Variants in SPAG16 observed in about 807,000 individuals in gnomAD.
The protein encoded by SPAG16 is sperm associated antigen 16.
A neutral mutation model predicts 80.4 loss-of-function variants in SPAG16; 86 were observed. That is an observed-to-expected ratio of 1.07 (90% confidence interval 0.90 to 1.28). The LOEUF is 1.28. Among genes scored for constraint, SPAG16 ranks in the 50% most tolerant of loss-of-function variants. The probability of loss-of-function intolerance (pLI) is 0.00; values close to 1 mark genes in which losing one functional copy is unlikely to be tolerated. For synonymous variants in SPAG16, 294 were observed against 265.9 expected (o/e 1.11, Z -1.03); for missense variants, 870 against 765.3 (o/e 1.14, Z -1.61).
chr2:213,630,456 A>G lies in SPAG16; in HGVS notation c.1070+140366A>G, dbSNP rs145583283. ...GAGGGCATAAGTTTCATCATCAATT[A>G]TATCATGTCTATAATAAAAATGGTA... On this transcript the variant is annotated intron_variant, in intron 10 of 15. Coordinates refer to ENST00000331683, the MANE Select transcript of SPAG16 (RefSeq NM_024532.5). 3.6e-3 allele frequency among the ~76,000 whole-genome samples: 544 copies of G among 152,266 alleles called. 5 individuals are homozygous for G. Among genetic ancestry groups the G allele is most frequent in the African/African-American group, 0.012 (499 of 41,556 alleles).
At chr2:214,067,203 C>T (rs2050571468) in intron 13 of SPAG16, among the ~76,000 whole-genome samples, 1 of 152,176 alleles carries the variant, frequency 6.6e-6, no homozygotes, top group African/African-American at 2.4e-5. Context: ...AAATCCATCA[C>T]TTTCATTGTT....
chr2:213,836,186 C>CA (rs1390031341), intron 10 of SPAG16, among the ~76,000 whole-genome samples: 1 of 145,194 alleles, frequency 6.9e-6, no homozygotes, highest in Non-Finnish European at 1.5e-5. Flanking sequence ...GCCCCCCCCC[C>CA]CATTTCCTAT....
At chr2:214,200,852 C>T (rs1395935520) in intron 15 of SPAG16, among the ~76,000 whole-genome samples, 1 of 152,134 alleles carries the variant, frequency 6.6e-6, no homozygotes, top group Non-Finnish European at 1.5e-5. Flanking sequence ...TCTCCTTTTT[C>T]CCCAGCCCAT....
Position 213,286,756 on chromosome 2 carries a change from A to C in SPAG16, c.136+2137A>C, listed in dbSNP as rs142952522. 4.8e-3 allele frequency among the ~76,000 whole-genome samples: 732 copies of C among 152,368 alleles called. 9 individuals are homozygous for C. The highest frequency in any genetic ancestry group is 0.017 in the African/African-American group (688 of 41,596). ...TAGTACATTAGACAATGAGCTATCA[A>C]TATCGAGCAAGACTTTGAAAGAAGT... On this transcript the variant is annotated intron_variant, in intron 1 of 15. Transcript: ENST00000331683.
At chr2:213,958,223 G>A (rs910939125) in intron 12 of SPAG16, among the ~76,000 whole-genome samples, 5 of 152,168 alleles carry the variant, frequency 3.3e-5, no homozygotes, top group African/African-American at 1.2e-4. Context: ...AGAGCAAGCA[G>A]GCACAAGTTC....
At chr2:214,093,792 G>A (rs1054846546) in intron 13 of SPAG16, among the ~76,000 whole-genome samples, 9 of 152,050 alleles carry the variant, frequency 5.9e-5, no homozygotes, top group East Asian at 1.9e-4. Context: ...TTAACTCTGC[G>A]ATTGTAATAC....
chr2:213,735,747 A>T (rs1219436620), intron 10 of SPAG16, among the ~76,000 whole-genome samples: 1 of 152,242 alleles, frequency 6.6e-6, no homozygotes, highest in African/African-American at 2.4e-5. Context: ...TTTAGGAAAG[A>T]TAGGAGATGA....
chr2:213,784,820 G>T (rs531359241), intron 10 of SPAG16, among the ~76,000 whole-genome samples: 1 of 151,516 alleles, frequency 6.6e-6, no homozygotes, highest in Admixed American at 6.6e-5. Flanking sequence ...TGTAGCTAAT[G>T]TCCCTACTTT....
intron 13 of SPAG16, among the ~76,000 whole-genome samples, chr2:214,043,395 A>G (rs957175193): frequency 1.3e-5 from 2 of 152,258 alleles, no homozygotes; most frequent in South Asian, 2.1e-4. Context: ...ATTAGCAAGG[A>G]GGTAGAATGG....
chr2:213,612,364 TTC>T (rs2061465468), intron 10 of SPAG16, among the ~76,000 whole-genome samples: 1 of 152,226 alleles, frequency 6.6e-6, no homozygotes, highest in South Asian at 2.1e-4. Flanking sequence ...TTTTTCTTTT[TTC>T]TCTCTCAGAA....
At chr2:214,094,358 C>T (rs2052437730) in intron 13 of SPAG16, among the ~76,000 whole-genome samples, 1 of 152,068 alleles carries the variant, frequency 6.6e-6, no homozygotes, top group Non-Finnish European at 1.5e-5. Flanking sequence ...TGCAGTAGAT[C>T]ATTTTTTCCC....
intron 13 of SPAG16, among the ~76,000 whole-genome samples, chr2:214,096,131 G>C (rs2052572681): frequency 1.3e-5 from 2 of 151,836 alleles, no homozygotes; most frequent in Non-Finnish European, 2.9e-5. Flanking sequence ...CTTATCAGGG[G>C]CAAGTGAGAT....
At chr2:213,560,837 C>T (rs2059577893) in intron 10 of SPAG16, among the ~76,000 whole-genome samples, 1 of 152,192 alleles carries the variant, frequency 6.6e-6, no homozygotes, top group South Asian at 2.1e-4. Context: ...TTCAACTACA[C>T]ACAATGAATG....
chr2:214,263,473 G>T (rs1186183969), intron 15 of SPAG16, among the ~76,000 whole-genome samples: 1 of 152,130 alleles, frequency 6.6e-6, no homozygotes, highest in Non-Finnish European at 1.5e-5. Flanking sequence ...TGCGATTTCA[G>T]AGTACTTTTG....
At chr2:213,341,136 T>C (rs1021101134) in intron 6 of SPAG16, among the ~76,000 whole-genome samples, 4 of 152,186 alleles carry the variant, frequency 2.6e-5, no homozygotes, top group Admixed American at 2.6e-4. Context: ...CTACACTTGG[T>C]GTATACTCAG....
intron 15 of SPAG16, among the ~76,000 whole-genome samples, chr2:214,256,935 C>T (rs1488786642): frequency 1.3e-5 from 2 of 151,878 alleles, no homozygotes; most frequent in Non-Finnish European, 2.9e-5. Flanking sequence ...TAAATTTTAA[C>T]ATCTTGTCAA....
chr2:213,289,041 C>T (rs1250008515), intron 1 of SPAG16, among the ~76,000 whole-genome samples: 1 of 152,146 alleles, frequency 6.6e-6, no homozygotes, highest in Admixed American at 6.5e-5. Context: ...TGCTCTGTGT[C>T]CTTTAGTCAG....
intron 15 of SPAG16, among the ~76,000 whole-genome samples, chr2:214,355,700 G>T (rs1698739081): frequency 6.6e-6 from 1 of 151,760 alleles, no homozygotes; most frequent in African/African-American, 2.4e-5. Flanking sequence ...TATAAATCAT[G>T]CTGCTATAAA....
intron 13 of SPAG16, among the ~76,000 whole-genome samples, chr2:214,082,828 C>G (rs893462335): frequency 2.0e-5 from 3 of 152,148 alleles, no homozygotes; most frequent in African/African-American, 7.2e-5. Context: ...TTCCTAGCCT[C>G]ATAGTTCTTC....
Sources: gnomAD v4.1 joint callset for allele counts (sites outside exome capture counted in the v4.1 genomes callset) on GRCh38, gnomAD v4.1.1 for gene constraint, MANE v1.5 for transcripts, NCBI Gene and HGNC (gene_info 2026-07-23, HGNC 2026-07-21) for gene names.